The following IMMP2L variants were observed in gnomAD, a reference collection of about 807,000 sequenced individuals.
IMMP2L encodes the protein inner mitochondrial membrane peptidase subunit 2.
IMMP2L carries 18 observed loss-of-function variants against 19.3 expected under a neutral mutation model. The observed-to-expected ratio is 0.93, with a 90% confidence interval of 0.64 to 1.38. The LOEUF (loss-of-function observed/expected upper bound fraction) is 1.38, where lower values mean the gene tolerates loss of function less well. Among genes scored for constraint, IMMP2L ranks in the 40% most tolerant of loss-of-function variants. IMMP2L has a pLI of 0.00. For missense variants in IMMP2L, 233 were observed against 218.2 expected, an observed-to-expected ratio of 1.07 and a Z score of -0.43; for synonymous variants, 76 against 73.0, an observed-to-expected ratio of 1.04 and a Z score of -0.21.
intron 4 of IMMP2L, among the ~76,000 whole-genome samples, chr7:110,931,574 C>A (rs1815491070): frequency 1.3e-5 from 2 of 152,104 alleles, no homozygotes; most frequent in Non-Finnish European, 2.9e-5. Context: ...ATCCAGACTC[C>A]ATCTACTGTA....
intron 3 of IMMP2L, among the ~76,000 whole-genome samples, chr7:111,406,914 G>C (rs370277396): frequency 1.3e-5 from 2 of 152,018 alleles, no homozygotes; most frequent in East Asian, 3.9e-4. Flanking sequence ...TCTAACAGAG[G>C]TTTAAGCCAC....
intron 3 of IMMP2L, among the ~76,000 whole-genome samples, chr7:111,004,992 A>T (rs2129561958): frequency 6.6e-6 from 1 of 152,244 alleles, no homozygotes; most frequent in African/African-American, 2.4e-5. Flanking sequence ...TTGCTATAAG[A>T]TCCAATATAT....
At chr7:111,214,886 A>C (rs1274965799) in intron 3 of IMMP2L, among the ~76,000 whole-genome samples, 3 of 152,106 alleles carry the variant, frequency 2.0e-5, no homozygotes, top group African/African-American at 7.2e-5. Context: ...GACACATACC[A>C]GCGCAGCAAA....
At chr7:111,339,339 AAG>A (rs1300287589) in intron 3 of IMMP2L, among the ~76,000 whole-genome samples, 1 of 151,962 alleles carries the variant, frequency 6.6e-6, no homozygotes, top group Non-Finnish European at 1.5e-5. Flanking sequence ...TCTCTCTGAA[AAG>A]AGAGAGTATT....
At chr7:111,134,872 G>T (rs1006479977) in intron 3 of IMMP2L, among the ~76,000 whole-genome samples, 2 of 151,994 alleles carry the variant, frequency 1.3e-5, no homozygotes, top group African/African-American at 4.8e-5. Context: ...CTAATTTAGT[G>T]GAGAGGACTC....
chr7:110,748,602 A>T lies in IMMP2L; in HGVS notation c.409-84881T>A, dbSNP rs926443729. Among the ~76,000 whole-genome samples the T allele has an allele frequency of 2.6e-5, 4 of 152,334 alleles. No individual in the cohort carries two copies. The East Asian group carries it at 7.7e-4, about 29-fold the overall frequency. ...GCCTCAGAAATAATGCCACACATAC[A>T]CAATCATCTGATCTTTGACAAACCT... On this transcript the variant is annotated intron_variant, in intron 5 of 5. Coordinates refer to ENST00000405709, the MANE Select transcript of IMMP2L (RefSeq NM_032549.4).
At chr7:111,022,860 C>T (rs1408365780) in intron 3 of IMMP2L, among the ~76,000 whole-genome samples, 1 of 141,082 alleles carries the variant, frequency 7.1e-6, no homozygotes. Flanking sequence ...AAGTTTCATT[C>T]ATTATTAATG....
At chr7:110,713,195 G>C (rs6953887) in intron 5 of IMMP2L, among the ~76,000 whole-genome samples, 118,010 of 152,058 alleles carry the variant, frequency 0.78, 45,866 homozygotes, top group East Asian at 0.82. Flanking sequence ...TTTTTGTTGG[G>C]TTTGTCAAAG....
chr7:111,276,598 T>C (rs1819084760), intron 3 of IMMP2L, among the ~76,000 whole-genome samples: 1 of 146,504 alleles, frequency 6.8e-6, no homozygotes, highest in Admixed American at 6.9e-5. Context: ...ATGTCATTTT[T>C]CACAGAATTA....
At chr7:111,007,913 C>T (rs1244237020) in intron 3 of IMMP2L, among the ~76,000 whole-genome samples, 1 of 152,070 alleles carries the variant, frequency 6.6e-6, no homozygotes, top group Non-Finnish European at 1.5e-5. Context: ...TTCCCAAATG[C>T]AATTAATAGT....
At chr7:111,035,295 C>T (rs907786119) in intron 3 of IMMP2L, among the ~76,000 whole-genome samples, 1 of 152,150 alleles carries the variant, frequency 6.6e-6, no homozygotes, top group Admixed American at 6.6e-5. Context: ...ACCCTGTTTA[C>T]ACCTTTCCAC....
intron 5 of IMMP2L, among the ~76,000 whole-genome samples, chr7:110,802,631 C>A (rs1801341574): frequency 6.6e-6 from 1 of 151,960 alleles, no homozygotes; most frequent in Non-Finnish European, 1.5e-5. Context: ...TTATTAGCGT[C>A]TTCTTTGTTA....
intron 3 of IMMP2L, among the ~76,000 whole-genome samples, chr7:111,356,719 T>G: frequency 6.6e-6 from 1 of 152,158 alleles, no homozygotes; most frequent in East Asian, 1.9e-4. Context: ...GTTATTTTTA[T>G]TCATAAGATT....
intron 3 of IMMP2L, among the ~76,000 whole-genome samples, chr7:111,137,645 A>G (rs1244318714): frequency 6.6e-6 from 1 of 152,240 alleles, no homozygotes; most frequent in Non-Finnish European, 1.5e-5. Flanking sequence ...GCTCTGAATG[A>G]TAAAAGCACA....
chr7:110,790,003 G>A (rs1366746505), intron 5 of IMMP2L, among the ~76,000 whole-genome samples: 4 of 151,562 alleles, frequency 2.6e-5, no homozygotes, highest in Admixed American at 2.0e-4. Context: ...CATTACCTGA[G>A]TCCTTATACA....
chr7:111,524,744 T>C (rs907973312), intron 1 of IMMP2L, among the ~76,000 whole-genome samples: 1 of 152,154 alleles, frequency 6.6e-6, no homozygotes, highest in African/African-American at 2.4e-5. Flanking sequence ...GTTTACCTCC[T>C]TACTAGATTA....
chr7:111,241,057 T>C (rs1256486947), intron 3 of IMMP2L, among the ~76,000 whole-genome samples: 1 of 151,912 alleles, frequency 6.6e-6, no homozygotes, highest in Admixed American at 6.6e-5. Context: ...TCGGAAAACC[T>C]TTAAGATAAC....
chr7:110,769,711 A>C (rs1237834701), intron 5 of IMMP2L, among the ~76,000 whole-genome samples: 5 of 152,172 alleles, frequency 3.3e-5, no homozygotes, highest in Non-Finnish European at 7.3e-5. Context: ...AACGAACGGA[A>C]GAAGAAAAAA....
intron 3 of IMMP2L, among the ~76,000 whole-genome samples, chr7:111,411,160 G>A (rs1239090548): frequency 2.7e-5 from 4 of 149,454 alleles, no homozygotes; most frequent in African/African-American, 7.4e-5. Flanking sequence ...ACATAATATA[G>A]GAGTAAATAT....
Sources: gnomAD v4.1 joint callset for allele counts (sites outside exome capture counted in the v4.1 genomes callset) on GRCh38, gnomAD v4.1.1 for gene constraint, MANE v1.5 for transcripts, NCBI Gene and HGNC (gene_info 2026-07-23, HGNC 2026-07-21) for gene names.